ASNSD1: variants seen among roughly 807,000 people sequenced by gnomAD.
ASNSD1 encodes asparagine synthetase domain containing 1, also known as asparagine synthetase domain-containing protein 1.
A neutral mutation model predicts 48.3 loss-of-function variants in ASNSD1; 36 were observed. The ratio of observed to expected loss-of-function variants is 0.75; its 90% confidence interval spans 0.57 to 0.99. The LOEUF (loss-of-function observed/expected upper bound fraction) is 0.99, where lower values mean the gene tolerates loss of function less well. ASNSD1 is among the 50% of genes least tolerant of loss of function. The pLI, the probability that ASNSD1 is intolerant of heterozygous loss-of-function variation, is 0.00. For missense variants in ASNSD1, 714 were observed against 758.2 expected, an observed-to-expected ratio of 0.94 and a Z score of 0.69; for synonymous variants, 257 against 262.1, an observed-to-expected ratio of 0.98 and a Z score of 0.19.
Position 189,667,373 on chromosome 2 carries a change from AG to A in ASNSD1, c.1243del (p.Glu415AsnfsTer26). On this transcript the variant is annotated frameshift_variant, in exon 4 of 6. Coordinates refer to ENST00000260952, the MANE Select transcript of ASNSD1 (RefSeq NM_019048.4). LOFTEE classifies it high-confidence loss of function. ...PDRITGRAGLKELQAVSPSRI... is the reference protein window; with the variant it reads ...PDRITGRAGLXELQAVSPSRI... Reference sequence around the variant, plus strand: ...CGAATCACAGGAAGGGCGGGACTAAAGGAACTACAAGCTGTTAGCCCTTCCC... The same window carrying A: ...CGAATCACAGGAAGGGCGGGACTAAAGAACTACAAGCTGTTAGCCCTTCCC... The A allele has an allele frequency of 6.2e-7, 1 of 1,614,216 alleles. No homozygotes were observed. Among genetic ancestry groups the A allele is most frequent in the Non-Finnish European group, 8.5e-7 (1 of 1,180,030 alleles).
chr2:189,661,674 G>T (rs1228605293), intron 1 of ASNSD1, 64 bp downstream of exon 1: 3 of 399,080 alleles, frequency 7.5e-6, no homozygotes, highest in Non-Finnish European at 1.3e-5. Context: ...GACCCTGAAG[G>T]TGGTCCGCAG....
intron 1 of ASNSD1, among the ~76,000 whole-genome samples, 195 bp from the exon 2 acceptor site, chr2:189,663,706 A>C (rs531889082): frequency 2.0e-5 from 3 of 152,284 alleles, no homozygotes; most frequent in Admixed American, 2.0e-4. Context: ...TTTCTCCTCC[A>C]GCTTTTCCTG....
Position 189,666,671 on chromosome 2 carries a change from G to C in ASNSD1, c.539G>C (p.Arg180Thr). 2 of 1,613,978 alleles carry C rather than the reference G, an allele frequency of 1.2e-6. No homozygotes were observed. Among genetic ancestry groups the C allele is most frequent in the Non-Finnish European group, 1.7e-6 (2 of 1,179,880 alleles). The change falls in exon 4 of 6, where the codon AGA (arginine) becomes ACA (threonine). Residue 180 changes from arginine to threonine, a missense_variant. By Grantham distance (71) the Arg-to-Thr change is moderately conservative (BLOSUM62 -1). Transcript: ENST00000260952. ...WQEVPASGLF[R>T]IDLKSTVISG... Reference sequence around the variant, plus strand: ...GAAGTTCCAGCATCTGGACTTTTCAGAATTGATCTTAAGTCTACTGTCATT... The same window carrying C: ...GAAGTTCCAGCATCTGGACTTTTCACAATTGATCTTAAGTCTACTGTCATT...
In ASNSD1 at chr2:189,667,768, T is replaced by C. The variant is rs763349952; in HGVS notation, c.1469T>C (p.Val490Ala). Residue 490 changes from valine (V) to alanine (A), a missense_variant, in exon 5 of 6, where the codon GTT becomes GCT. By Grantham distance (64) the Val-to-Ala change is moderately conservative (BLOSUM62 0). Coordinates refer to ENST00000260952, the MANE Select transcript of ASNSD1 (RefSeq NM_019048.4). ...VKSYQSNAKV[V>A]LTGIGADEQL... ...GGATTTCTTTAAACCTCATAGGTAG[T>C]TCTCACTGGAATTGGTGCAGATGAG... The C allele has an allele frequency of 6.2e-7, 1 of 1,609,746 alleles. No homozygotes were observed. Among genetic ancestry groups the C allele is most frequent in the South Asian group, 1.1e-5 (1 of 89,892 alleles).
rs1295242542 is a variant in ASNSD1 at position 189,666,229 on chromosome 2, A to C, written c.97A>C (p.Asn33His). Residue 33 changes from asparagine to histidine, a missense_variant, in exon 4 of 6, where the codon AAT becomes CAT. By Grantham distance (68) the Asn-to-His change is moderately conservative. Transcript: ENST00000260952. ...LLYNLKQRGPNSSKQLLKSDV... is the reference protein window; with the variant it reads ...LLYNLKQRGPHSSKQLLKSDV... ...ATATAATCTTAAACAGCGGGGACCC[A>C]ATAGTAGTAAACAATTGTTAAAGTC... The C allele has an allele frequency of 1.2e-6, 2 of 1,614,010 alleles. No homozygotes were observed. The highest frequency in any genetic ancestry group is 1.7e-6 in the Non-Finnish European group (2 of 1,180,006).
At chr2:189,665,622 ATATATATATATATATATATATATAT>A (rs2032779937) in intron 3 of ASNSD1, among the ~76,000 whole-genome samples, 171 bp downstream of exon 3, 1 of 119,974 alleles carries the variant, frequency 8.3e-6, no homozygotes, top group African/African-American at 3.3e-5. Context: ...ATATATATAT[ATATATATATATATATATATATATAT>A]TATAAATGTT....
At chr2:189,663,246 A>AATTATTTATTTATTT (rs1409941294) in intron 1 of ASNSD1, among the ~76,000 whole-genome samples, 1 of 151,418 alleles carries the variant, frequency 6.6e-6, no homozygotes, top group Non-Finnish European at 1.5e-5. Flanking sequence ...TATATTTTTT[A>AATTATTTATTTATTT]AATTATTTAT....
In ASNSD1 at chr2:189,666,968, T is replaced by C. The variant is rs529127941; in HGVS notation, c.836T>C (p.Met279Thr). ...ILQVFLTDVH[M>T]KEVIQQFIDV... ...CAAGTCTTTCTTACTGATGTACACA[T>C]GAAGGAAGTAATTCAGCAGTTCATT... Residue 279 changes from methionine (M) to threonine (T), a missense_variant, in exon 4 of 6, where the codon ATG (methionine) becomes ACG (threonine). Physicochemically the swap from Met to Thr is moderately conservative, Grantham distance 81. Coordinates refer to ENST00000260952, the MANE Select transcript of ASNSD1 (RefSeq NM_019048.4). 10 of 1,614,118 alleles carry C rather than the reference T, an allele frequency of 6.2e-6. No individual in the cohort carries two copies. In the South Asian group the frequency reaches 9.9e-5, roughly 16 times the overall value.
rs117177280 is a variant in ASNSD1, at chr2:189,670,107, G to A, written c.1647-334G>A. Among the ~76,000 whole-genome samples, 36 of 150,212 alleles carry A rather than the reference G, an allele frequency of 2.4e-4. No individual in the cohort carries two copies. In the East Asian group the frequency reaches 6.1e-3, roughly 25 times the overall value. On this transcript the variant is annotated intron_variant, in intron 5 of 5. Coordinates refer to ENST00000260952, the MANE Select transcript of ASNSD1 (RefSeq NM_019048.4). ...GTGGGTCACTTGAGTTCAGGAGTCC[G>A]AGACCAGCCTGGGCAATGTGGCGAA... is the stretch of plus-strand genomic sequence containing the variant.
At chr2:189,670,190 CAA>C (rs201038334) in intron 5 of ASNSD1, among the ~76,000 whole-genome samples, 39 of 80,432 alleles carry the variant, frequency 4.8e-4, no homozygotes, top group Admixed American at 9.4e-4. Flanking sequence ...CTCACCTAGG[CAA>C]AAAAAAAAAA....
At chr2:189,664,348 C>T (rs980712902) in intron 2 of ASNSD1, among the ~76,000 whole-genome samples, 5 of 152,134 alleles carry the variant, frequency 3.3e-5, no homozygotes, top group Non-Finnish European at 7.4e-5. Flanking sequence ...GGATACATTG[C>T]TTCCCCTCCC....
chr2:189,669,500 C>A (rs1023920142), intron 5 of ASNSD1, among the ~76,000 whole-genome samples: 1 of 152,232 alleles, frequency 6.6e-6, no homozygotes, highest in Admixed American at 6.5e-5. Flanking sequence ...CGTATCTTGA[C>A]ATACATATTA....
At chr2:189,665,623 T>C (rs1212705154) in intron 3 of ASNSD1, among the ~76,000 whole-genome samples, 172 bp downstream of exon 3, 1 of 121,112 alleles carries the variant, frequency 8.3e-6, no homozygotes, top group Admixed American at 7.8e-5. Context: ...TATATATATA[T>C]ATATATATAT....
At chr2:189,663,830 C>T (rs79477010) in intron 1 of ASNSD1, 71 bp from the exon 2 acceptor site, 1 of 365,282 alleles carries the variant, frequency 2.7e-6, no homozygotes, top group Non-Finnish European at 4.9e-6. Flanking sequence ...TTTAAAACAA[C>T]CCCTTAAGGG....
Position 189,667,084 on chromosome 2 carries a change from A to G in ASNSD1, c.952A>G (p.Arg318Gly). 6.2e-7 allele frequency: 1 copy of G among 1,614,168 alleles called. No homozygotes were observed. Among genetic ancestry groups the G allele is most frequent in the Non-Finnish European group, 8.5e-7 (1 of 1,180,014 alleles). Residue 318 changes from arginine to glycine, a missense_variant, in exon 4 of 6, where the codon AGG (arginine) becomes GGG (glycine). Arg to Gly is a moderately radical substitution (Grantham distance 125). Coordinates refer to ENST00000260952, the MANE Select transcript of ASNSD1 (RefSeq NM_019048.4). The part of the protein sequence containing the change: ...TANEVLKTCD[R>G]KANVAILFSG... Reference sequence around the variant, plus strand: ...AAATGAAGTTTTGAAAACGTGTGATAGGAAAGCAAATGTTGCAATCCTGTT... The same window carrying G: ...AAATGAAGTTTTGAAAACGTGTGATGGGAAAGCAAATGTTGCAATCCTGTT...
rs779431227 is a variant in ASNSD1, at chr2:189,666,126, C to T, written c.-7C>T. ...TCAAGAAATAGTCAACCTGATTTCA[C>T]ATAACAATGTGTGGCATTTGTTGTT... On this transcript the variant is annotated 5_prime_UTR_variant, in exon 4 of 6. Coordinates refer to ENST00000260952, the MANE Select transcript of ASNSD1 (RefSeq NM_019048.4). 5.9e-6 allele frequency: 9 copies of T among 1,531,318 alleles called. No individual in the cohort carries two copies. Among genetic ancestry groups the T allele is most frequent in the East Asian group, 2.3e-5 (1 of 43,686 alleles). The allele number at this position is 1,531,318 out of a possible 1,614,324, so 94.9% of individuals were successfully genotyped here. A position where few individuals can be genotyped will look rare whatever the true frequency, so the allele number is the denominator to read the frequency against.
intron 5 of ASNSD1, among the ~76,000 whole-genome samples, chr2:189,668,502 C>CT (rs1491030633): frequency 8.5e-5 from 2 of 23,654 alleles, no homozygotes; most frequent in Non-Finnish European, 1.8e-4. Flanking sequence ...GTGCGAGACT[C>CT]TGTTTCCACA....
Position 189,665,371 on chromosome 2 carries a change from T to C in ASNSD1, c.-168-5T>C. On this transcript the variant is annotated splice_polypyrimidine_tract_variant and splice_region_variant and intron_variant, in intron 2 of 5. Coordinates refer to ENST00000260952, the MANE Select transcript of ASNSD1 (RefSeq NM_019048.4). ...TTTGATATTAGCCTAAATTATGTTTTCCAGAAAGTATATAGGCAACAACAG... is the reference window on the plus strand; with the variant it reads ...TTTGATATTAGCCTAAATTATGTTTCCCAGAAAGTATATAGGCAACAACAG... The C allele has an allele frequency of 2.5e-6, 1 of 397,054 alleles. No individual in the cohort carries two copies. Among genetic ancestry groups the C allele is most frequent in the Non-Finnish European group, 4.4e-6 (1 of 225,066 alleles). 24.6% of individuals were successfully genotyped at this position (397,054 alleles called of 1,614,324 possible). A position where few individuals can be genotyped will look rare whatever the true frequency, so the allele number is the denominator to read the frequency against.
At chr2:189,669,260 TAAA>T (rs2032875038) in intron 5 of ASNSD1, among the ~76,000 whole-genome samples, 2 of 152,236 alleles carry the variant, frequency 1.3e-5, no homozygotes, top group African/African-American at 4.8e-5. Context: ...AATGCCATAA[TAAA>T]GTCCGTAAAC....
Sources: gnomAD v4.1 joint callset for allele counts (sites outside exome capture counted in the v4.1 genomes callset) on GRCh38, gnomAD v4.1.1 for gene constraint, MANE v1.5 for transcripts, NCBI Gene and HGNC (gene_info 2026-07-23, HGNC 2026-07-21) for gene names.